EYA4: variants seen among roughly 807,000 people sequenced by gnomAD.
EYA4 encodes EYA transcriptional coactivator and phosphatase 4, also known as protein phosphatase EYA4.
A neutral mutation model predicts 87.9 loss-of-function variants in EYA4; 31 were observed. The ratio of observed to expected loss-of-function variants is 0.35; its 90% CI spans 0.27 to 0.48. EYA4 has a LOEUF of 0.48. Ranked by LOEUF, EYA4 falls within the 20% of genes least tolerant of loss-of-function variation. The pLI is 0.99. For synonymous variants in EYA4, 263 were observed against 270.6 expected (o/e 0.97, Z 0.28); for missense variants, 678 against 761.4 (o/e 0.89, Z 1.29).
intron 1 of EYA4, among the ~76,000 whole-genome samples, chr6:133,267,981 G>C (rs2128252159): frequency 6.6e-6 from 1 of 152,234 alleles, no homozygotes; most frequent in Admixed American, 6.5e-5. Flanking sequence ...CGTGTTCACA[G>C]TGTTTCTGAT....
intron 5 of EYA4, among the ~76,000 whole-genome samples, chr6:133,450,864 C>G (rs1793373888): frequency 6.6e-6 from 1 of 152,188 alleles, no homozygotes; most frequent in African/African-American, 2.4e-5. Context: ...TTTTATCCTA[C>G]TACATTGGTG....
intron 3 of EYA4, among the ~76,000 whole-genome samples, chr6:133,404,690 G>C (rs296423): frequency 0.77 from 117,157 of 152,172 alleles, 46,215 homozygotes; most frequent in South Asian, 0.92. Context: ...TTTGAGACTA[G>C]TAACTTCCTA....
At chr6:133,429,563 T>C (rs1327092106) in intron 3 of EYA4, among the ~76,000 whole-genome samples, 1 of 152,118 alleles carries the variant, frequency 6.6e-6, no homozygotes. Context: ...GAATTGAGTC[T>C]AGTTTCAAGA....
At chr6:133,268,210 A>G (rs893168950) in intron 1 of EYA4, among the ~76,000 whole-genome samples, 1 of 152,164 alleles carries the variant, frequency 6.6e-6, no homozygotes, top group African/African-American at 2.4e-5. Context: ...ACTAATTTTT[A>G]TGTCCTCAGT....
intron 13 of EYA4, among the ~76,000 whole-genome samples, chr6:133,492,996 G>T (rs925079736): frequency 6.6e-6 from 1 of 152,030 alleles, no homozygotes; most frequent in Non-Finnish European, 1.5e-5. Flanking sequence ...TGGACTAGAA[G>T]AATCAATATT....
intron 2 of EYA4, among the ~76,000 whole-genome samples, chr6:133,315,664 C>T (rs1780568243): frequency 6.6e-6 from 1 of 152,004 alleles, no homozygotes; most frequent in South Asian, 2.1e-4. Context: ...GTCATAGAGC[C>T]TTGAAATAGA....
intron 1 of EYA4, among the ~76,000 whole-genome samples, chr6:133,254,422 A>G (rs896333219): frequency 6.6e-6 from 1 of 152,112 alleles, no homozygotes; most frequent in African/African-American, 2.4e-5. Flanking sequence ...TGCTGAGGGA[A>G]ATTACATCTT....
At chr6:133,508,975 T>TA (rs546588158) in intron 14 of EYA4, among the ~76,000 whole-genome samples, 9 of 152,334 alleles carry the variant, frequency 5.9e-5, no homozygotes, top group Admixed American at 5.2e-4. Context: ...AACAATACTG[T>TA]ACTTAATCAA....
At chr6:133,354,851 A>G (rs1280756880) in intron 2 of EYA4, among the ~76,000 whole-genome samples, 2 of 152,176 alleles carry the variant, frequency 1.3e-5, no homozygotes, top group Admixed American at 6.5e-5. Flanking sequence ...AGGTCCATTG[A>G]AAACAGATTG....
intron 3 of EYA4, among the ~76,000 whole-genome samples, chr6:133,422,755 A>G (rs1345062256): frequency 2.0e-5 from 3 of 152,216 alleles, no homozygotes; most frequent in East Asian, 1.9e-4. Context: ...AATAAACACA[A>G]TTGGTAGAAT....
In EYA4 at chr6:133,481,607, T is replaced by C. The variant is rs1335761809; in HGVS notation, c.1107+8T>C. 1 of 1,613,502 alleles carries C rather than the reference T, an allele frequency of 6.2e-7. No individual in the cohort carries two copies. Among genetic ancestry groups the C allele is most frequent in the Non-Finnish European group, 8.5e-7 (1 of 1,179,556 alleles). On this transcript the variant is annotated splice_region_variant and intron_variant, in intron 12 of 19. Coordinates refer to ENST00000355286, the MANE Select transcript of EYA4 (RefSeq NM_004100.5). The stretch of plus-strand genomic sequence containing the variant: ...CCTGATAGTGACCTGGAGGTATGCC[T>C]ACTCATTCTTAAAGATTGTAGTGTG...
At chr6:133,358,563 G>GA (rs1784238897) in intron 2 of EYA4, among the ~76,000 whole-genome samples, 1 of 151,996 alleles carries the variant, frequency 6.6e-6, no homozygotes, top group Admixed American at 6.5e-5. Flanking sequence ...TTTTCTAGTT[G>GA]AACTATTTTG....
intron 2 of EYA4, among the ~76,000 whole-genome samples, chr6:133,367,183 C>T (rs1490121425): frequency 1.3e-5 from 2 of 152,170 alleles, no homozygotes; most frequent in East Asian, 1.9e-4. Flanking sequence ...ATCCGTGCAA[C>T]TGAGGCTACT....
chr6:133,509,967 T>A (rs1036915506), intron 14 of EYA4, among the ~76,000 whole-genome samples: 2 of 152,220 alleles, frequency 1.3e-5, no homozygotes, highest in African/African-American at 4.8e-5. Context: ...CACTGGACCG[T>A]AATCCTCAGG....
chr6:133,266,372 C>A (rs1223152457), intron 1 of EYA4, among the ~76,000 whole-genome samples: 1 of 152,114 alleles, frequency 6.6e-6, no homozygotes, highest in Admixed American at 6.6e-5. Flanking sequence ...TGGGGAGAGA[C>A]AAAGGATGCT....
chr6:133,280,792 A>G (rs1034115003), intron 2 of EYA4, among the ~76,000 whole-genome samples: 6 of 152,290 alleles, frequency 3.9e-5, no homozygotes, highest in African/African-American at 1.4e-4. Flanking sequence ...GAGTTGTACA[A>G]TTATTACCAC....
At chr6:133,334,019 A>G (rs1308528330) in intron 2 of EYA4, among the ~76,000 whole-genome samples, 3 of 152,146 alleles carry the variant, frequency 2.0e-5, no homozygotes, top group African/African-American at 4.8e-5. Flanking sequence ...GCTCTCAGCT[A>G]TGTTTCAATC....
intron 2 of EYA4, among the ~76,000 whole-genome samples, chr6:133,351,891 T>C (rs1178495727): frequency 1.3e-5 from 2 of 152,120 alleles, no homozygotes; most frequent in Non-Finnish European, 2.9e-5. Context: ...GCCAAATTTG[T>C]TCACCTATAC....
intron 17 of EYA4, among the ~76,000 whole-genome samples, chr6:133,515,638 T>C (rs1799534365): frequency 6.6e-6 from 1 of 151,706 alleles, no homozygotes; most frequent in African/African-American, 2.4e-5. Flanking sequence ...TGTGTGTGTG[T>C]GTGTGTGTGT....
Sources: gnomAD v4.1 joint callset for allele counts (sites outside exome capture counted in the v4.1 genomes callset) on GRCh38, gnomAD v4.1.1 for gene constraint, MANE v1.5 for transcripts, NCBI Gene and HGNC (gene_info 2026-07-23, HGNC 2026-07-21) for gene names.